The following CLSTN1 variants were observed in gnomAD, a reference collection of about 807,000 sequenced individuals.
The protein encoded by CLSTN1 is calsyntenin 1, also known as calsyntenin-1.
A neutral mutation model predicts 108.3 loss-of-function variants in CLSTN1; 28 were observed. That is an observed-to-expected ratio of 0.26 (90% CI 0.19 to 0.35). CLSTN1 has a LOEUF of 0.35. Ranked by LOEUF, CLSTN1 falls within the 10% of genes least tolerant of loss-of-function variation. The probability of loss-of-function intolerance (pLI) is 1.00; values close to 1 mark genes in which losing one functional copy is unlikely to be tolerated. For synonymous variants in CLSTN1, 524 were observed against 534.9 expected, an observed-to-expected ratio of 0.98 and a Z score of 0.28; for missense variants, 1,157 against 1,302.6, an observed-to-expected ratio of 0.89 and a Z score of 1.72.
rs531644115 is a variant in CLSTN1, at chr1:9,813,951, A to G, written c.91+9692T>C. Among the ~76,000 whole-genome samples, 13 of 151,922 alleles carry G rather than the reference A, an allele frequency of 8.6e-5. No homozygotes were observed. In the South Asian group the frequency reaches 2.7e-3, roughly 32 times the overall value. Reference sequence around the variant, plus strand: ...TGTCTCTACTAAAAATACAAAAAAAAATTAGCCGGGCGCAGTGGCAGGCAC... The same window carrying G: ...TGTCTCTACTAAAAATACAAAAAAAGATTAGCCGGGCGCAGTGGCAGGCAC... On this transcript the variant is annotated intron_variant, in intron 1 of 18. Transcript: ENST00000377298.
At chr1:9,731,668 G>A (rs1650403611) in intron 17 of CLSTN1, 93 bp downstream of exon 17, 2 of 1,289,600 alleles carry the variant, frequency 1.6e-6, no homozygotes, top group East Asian at 2.3e-5. Context: ...AAGACCGGCG[G>A]TCATGCTGAG....
intron 1 of CLSTN1, among the ~76,000 whole-genome samples, chr1:9,801,576 C>CA (rs2101272196): frequency 6.6e-6 from 1 of 152,238 alleles, no homozygotes; most frequent in East Asian, 1.9e-4. Flanking sequence ...TTTGTTGAGA[C>CA]AGAGTTTCGC....
At chr1:9,817,566 G>A (rs1655022808) in intron 1 of CLSTN1, among the ~76,000 whole-genome samples, 1 of 152,128 alleles carries the variant, frequency 6.6e-6, no homozygotes, top group Non-Finnish European at 1.5e-5. Flanking sequence ...GACCTAAGGT[G>A]ATCCGCCTGC....
intron 1 of CLSTN1, among the ~76,000 whole-genome samples, chr1:9,786,978 C>A (rs1653525093): frequency 6.6e-6 from 1 of 151,466 alleles, no homozygotes; most frequent in Non-Finnish European, 1.5e-5. Context: ...CCAGACCCTG[C>A]ACATGAGCCT....
In CLSTN1 at chr1:9,730,936, C is replaced by T. The variant is rs574668506; in HGVS notation, c.2749-231G>A. ...TACAAAGCAGCTTGGGACAGCACCT[C>T]AGCTGCCCCACCAGAGAACTCTCTC... On this transcript the variant is annotated intron_variant, in intron 18 of 18. Transcript: ENST00000377298. The surrounding 1 kb of genome is among the most constrained non-coding windows in gnomAD (Gnocchi z 5.6). Among the ~76,000 whole-genome samples the T allele has an allele frequency of 2.0e-5, 3 of 152,300 alleles. No individual in the cohort carries two copies. The highest frequency in any genetic ancestry group is 3.9e-4 in the East Asian group (2 of 5,184).
At chr1:9,735,341 C>A in intron 13 of CLSTN1, 126 bp downstream of exon 13, 1 of 1,431,508 alleles carries the variant, frequency 7.0e-7, no homozygotes. Flanking sequence ...CAGCTCTCTG[C>A]CCCACACTTT....
At chr1:9,787,605 T>C (rs565117388) in intron 1 of CLSTN1, among the ~76,000 whole-genome samples, 1 of 151,274 alleles carries the variant, frequency 6.6e-6, no homozygotes, top group East Asian at 2.0e-4. Flanking sequence ...GGTTTCACCA[T>C]GTTAGCCAGG....
intron 2 of CLSTN1, among the ~76,000 whole-genome samples, chr1:9,764,838 C>G (rs571177692): frequency 1.3e-5 from 2 of 151,844 alleles, no homozygotes; most frequent in African/African-American, 2.4e-5. Context: ...AAACAGGAAC[C>G]AACTTTTACA....
In CLSTN1 at chr1:9,788,566, CA is replaced by C. The variant is rs200112544; in HGVS notation, c.92-15173del. Among the ~76,000 whole-genome samples the C allele has an allele frequency of 4.7e-3, 649 of 137,460 alleles. 36 individuals are homozygous for C. The East Asian group carries it at 0.05, about 11-fold the overall frequency. 90.2% of individuals were successfully genotyped at this position (137,460 alleles called of 152,430 possible). A position where few individuals can be genotyped will look rare whatever the true frequency, so the allele number is the denominator to read the frequency against. On this transcript the variant is annotated intron_variant, in intron 1 of 18. Coordinates refer to ENST00000377298, the MANE Select transcript of CLSTN1 (RefSeq NM_001009566.3). ...CTGGGTGACAGAGTGAGACTGTTTC[CA>C]AAAAAAAAAGGAATTTGAGGCCGGG...
At chr1:9,780,837 T>C in intron 1 of CLSTN1, 1 of 235,220 alleles carries the variant, frequency 4.3e-6, no homozygotes, top group Non-Finnish European at 8.0e-6. Context: ...CCTGCCTCCC[T>C]TGGCCTCAGC....
intron 1 of CLSTN1, among the ~76,000 whole-genome samples, chr1:9,787,202 C>G (rs144078921): frequency 4.0e-5 from 6 of 151,044 alleles, no homozygotes; most frequent in African/African-American, 1.5e-4. Flanking sequence ...TCTGTTTCCC[C>G]CTTCTTCCAT....
chr1:9,800,133 A>G (rs1298405909), intron 1 of CLSTN1, among the ~76,000 whole-genome samples: 1 of 152,158 alleles, frequency 6.6e-6, no homozygotes, highest in Non-Finnish European at 1.5e-5. Flanking sequence ...AAAAAGAAAG[A>G]GCTAAAATCA....
chr1:9,802,592 T>G (rs1258531215), intron 1 of CLSTN1, among the ~76,000 whole-genome samples: 1 of 152,174 alleles, frequency 6.6e-6, no homozygotes, highest in Non-Finnish European at 1.5e-5. Flanking sequence ...CCCAAATGTA[T>G]GCTTTCTGAA....
intron 9 of CLSTN1, among the ~76,000 whole-genome samples, chr1:9,742,012 A>T (rs1317437996): frequency 6.6e-6 from 1 of 152,214 alleles, no homozygotes; most frequent in Non-Finnish European, 1.5e-5. Flanking sequence ...CTCAATAAAT[A>T]TGAACATCAG....
At chr1:9,737,198 C>A (rs1650738827) in intron 11 of CLSTN1, among the ~76,000 whole-genome samples, 1 of 151,754 alleles carries the variant, frequency 6.6e-6, no homozygotes. Flanking sequence ...CCTCCCAAAC[C>A]CTGCCTGTAA....
At chr1:9,759,709 C>T (rs1408221161) in intron 2 of CLSTN1, among the ~76,000 whole-genome samples, 7 of 152,276 alleles carry the variant, frequency 4.6e-5, no homozygotes, top group South Asian at 2.1e-4. Context: ...GAAAGAGATC[C>T]GAGGGGCCCC....
chr1:9,731,026 G>A (rs1371945164), intron 18 of CLSTN1, 180 bp downstream of exon 18: 8 of 698,930 alleles, frequency 1.1e-5, no homozygotes, highest in East Asian at 5.4e-5. Flanking sequence ...AAGGCAGAAC[G>A]GCCTTGAATA....
chr1:9,748,370 A>C (rs1381741594), intron 7 of CLSTN1, among the ~76,000 whole-genome samples: 2 of 152,188 alleles, frequency 1.3e-5, no homozygotes, highest in Admixed American at 6.5e-5. Flanking sequence ...CTGTCTCTCA[A>C]TTTCTCCACA....
intron 1 of CLSTN1, among the ~76,000 whole-genome samples, chr1:9,813,247 T>C (rs1345267955): frequency 6.6e-6 from 1 of 151,988 alleles, no homozygotes; most frequent in South Asian, 2.1e-4. Context: ...CCTGTAATCC[T>C]AGCACTTTGG....
Sources: gnomAD v4.1 joint callset for allele counts (sites outside exome capture counted in the v4.1 genomes callset) on GRCh38, gnomAD v4.1.1 for gene constraint, Gnocchi (gnomAD v3.1) non-coding constraint, MANE v1.5 for transcripts, NCBI Gene and HGNC (gene_info 2026-07-23, HGNC 2026-07-21) for gene names.